Variants in TBCK observed in about 807,000 individuals in gnomAD.
The protein encoded by TBCK is TBC1 domain containing kinase.
A neutral mutation model predicts 113.4 loss-of-function variants in TBCK; 99 were observed. The ratio of observed to expected loss-of-function variants is 0.87; its 90% CI spans 0.74 to 1.03. The LOEUF is 1.03. Ranked by LOEUF, TBCK falls within the 50% of genes least tolerant of loss-of-function variation. TBCK has a pLI of 0.00. For synonymous variants in TBCK, 369 were observed against 370.8 expected (o/e 1.00, Z 0.05); for missense variants, 1,045 against 1,061.3 (o/e 0.98, Z 0.21).
intron 1 of TBCK, chr4:106,310,213 G>A (rs1354631690): frequency 2.6e-5 from 4 of 151,968 alleles, no homozygotes; most frequent in African/African-American, 4.8e-5. Context: ...ATTATAAAAC[G>A]TATAAACCCT....
intron 25 of TBCK, among the ~76,000 whole-genome samples, chr4:106,077,807 C>T (rs1318553893): frequency 6.6e-6 from 1 of 152,114 alleles, no homozygotes; most frequent in Non-Finnish European, 1.5e-5. Context: ...ACCAATTAGA[C>T]CTAATAGACA....
intron 25 of TBCK, among the ~76,000 whole-genome samples, chr4:106,055,370 T>C (rs1169706846): frequency 6.6e-6 from 1 of 151,700 alleles, no homozygotes; most frequent in Non-Finnish European, 1.5e-5. Flanking sequence ...TTTACTTTCA[T>C]ATGTAATTCT....
intron 25 of TBCK, among the ~76,000 whole-genome samples, chr4:106,060,898 T>TC (rs1735960539): frequency 6.6e-6 from 1 of 151,684 alleles, no homozygotes; most frequent in South Asian, 2.1e-4. Context: ...TTTGAGGAGT[T>TC]CAAGACTTCA....
chr4:106,093,666 G>A (rs1270631643), intron 25 of TBCK, among the ~76,000 whole-genome samples: 1 of 152,024 alleles, frequency 6.6e-6, no homozygotes, highest in East Asian at 1.9e-4. Flanking sequence ...ACAGACACTG[G>A]GCCCTACTTG....
intron 1 of TBCK, among the ~76,000 whole-genome samples, chr4:106,315,064 TA>T (rs1717982926): frequency 6.6e-6 from 1 of 152,074 alleles, no homozygotes; most frequent in African/African-American, 2.4e-5. Flanking sequence ...TGGTTGTACA[TA>T]AAAAGGCTCA....
intron 23 of TBCK, among the ~76,000 whole-genome samples, chr4:106,142,795 A>G (rs1747286954): frequency 6.6e-6 from 1 of 152,164 alleles, no homozygotes. Flanking sequence ...TGAAGAAAAT[A>G]TATTCTATAG....
rs532759641 is a variant in TBCK at position 106,120,569 on chromosome 4, T to G, written c.2236-4191A>C. Reference sequence around the variant, plus strand: ...CTCTGCAGACTTAAATGTCCCTGTCTGACAGCTTTGAAGAGAGCAGTGGTT... The same window carrying G: ...CTCTGCAGACTTAAATGTCCCTGTCGGACAGCTTTGAAGAGAGCAGTGGTT... On this transcript the variant is annotated intron_variant, in intron 23 of 25. Coordinates refer to ENST00000394708, the MANE Select transcript of TBCK (RefSeq NM_001163435.3). Among the ~76,000 whole-genome samples the G allele has an allele frequency of 5.0e-3, 754 of 152,276 alleles. 4 individuals carry two copies. The highest frequency in any genetic ancestry group is 0.017 in the African/African-American group (725 of 41,550).
chr4:106,202,251 A>G (rs1171917824), intron 20 of TBCK, among the ~76,000 whole-genome samples: 1 of 151,946 alleles, frequency 6.6e-6, no homozygotes, highest in Non-Finnish European at 1.5e-5. Context: ...ACTGTATAAA[A>G]TATTTTATTT....
intron 20 of TBCK, among the ~76,000 whole-genome samples, chr4:106,201,377 T>A (rs1754871351): frequency 6.6e-6 from 1 of 152,066 alleles, no homozygotes; most frequent in Non-Finnish European, 1.5e-5. Flanking sequence ...TAATTTTGAA[T>A]ACCAGGTGGG....
intron 23 of TBCK, 126 bp from the exon 24 acceptor site, chr4:106,116,504 C>A (rs1560669041): frequency 1.2e-6 from 1 of 821,616 alleles, no homozygotes; most frequent in Non-Finnish European, 1.9e-6. Flanking sequence ...ATCTAATTTT[C>A]ACAGTCTATT....
chr4:106,156,607 C>T (rs1429756616), intron 23 of TBCK, among the ~76,000 whole-genome samples: 1 of 152,170 alleles, frequency 6.6e-6, no homozygotes, highest in Non-Finnish European at 1.5e-5. Flanking sequence ...CCATTCTTCC[C>T]TCTGCTTTCC....
intron 22 of TBCK, among the ~76,000 whole-genome samples, chr4:106,187,492 C>A (rs981282249): frequency 6.6e-6 from 1 of 151,988 alleles, no homozygotes; most frequent in South Asian, 2.1e-4. Flanking sequence ...TCTTGGCTCA[C>A]TGAAACCTCT....
intron 23 of TBCK, among the ~76,000 whole-genome samples, chr4:106,164,744 TC>T (rs1410239906): frequency 6.6e-6 from 1 of 151,732 alleles, no homozygotes; most frequent in Non-Finnish European, 1.5e-5. Context: ...TTTAAACTGT[TC>T]ATAATCTAAA....
intron 23 of TBCK, among the ~76,000 whole-genome samples, chr4:106,119,179 C>T (rs1022857801): frequency 6.6e-6 from 1 of 152,044 alleles, no homozygotes; most frequent in Non-Finnish European, 1.5e-5. Flanking sequence ...GTGTCTATAT[C>T]ACATTTTCCT....
At chr4:106,287,187 A>T (rs1199885513) in intron 3 of TBCK, among the ~76,000 whole-genome samples, 2 of 152,096 alleles carry the variant, frequency 1.3e-5, no homozygotes, top group East Asian at 3.9e-4. Context: ...GATCATAGCT[A>T]TGTCCATAAA....
At chr4:106,056,496 A>T (rs555674953) in intron 25 of TBCK, among the ~76,000 whole-genome samples, 9 of 150,932 alleles carry the variant, frequency 6.0e-5, no homozygotes, top group South Asian at 2.1e-4. Context: ...TATATTTTAA[A>T]CCTCCTTTGT....
At chr4:106,100,411 C>T (rs754648715) in intron 24 of TBCK, among the ~76,000 whole-genome samples, 2 of 152,112 alleles carry the variant, frequency 1.3e-5, no homozygotes, top group Admixed American at 6.6e-5. Context: ...CAAGTGTCAA[C>T]GATATAGAAT....
chr4:106,081,998 G>A (rs564148274), intron 25 of TBCK, among the ~76,000 whole-genome samples: 2 of 152,304 alleles, frequency 1.3e-5, no homozygotes, highest in East Asian at 1.9e-4. Flanking sequence ...CTTATACACT[G>A]CTGGTGGAAA....
At chr4:106,198,091 G>A (rs1486618003) in intron 20 of TBCK, among the ~76,000 whole-genome samples, 1 of 152,040 alleles carries the variant, frequency 6.6e-6, no homozygotes, top group Non-Finnish European at 1.5e-5. Context: ...TTGTACTCAT[G>A]CATTTAAGGC....
Sources: allele counts gnomAD v4.1 joint callset (sites outside exome capture counted in the v4.1 genomes callset), GRCh38; gene constraint gnomAD v4.1.1; transcripts MANE v1.5; gene names NCBI Gene and HGNC (gene_info 2026-07-23, HGNC 2026-07-21).